BTG2: variants seen among roughly 807,000 people sequenced by gnomAD.
The protein encoded by BTG2 is protein BTG2.
A neutral mutation model predicts 13.1 loss-of-function variants in BTG2; 9 were observed. That is an observed-to-expected ratio of 0.69 (90% CI 0.41 to 1.20). The LOEUF is 1.20. Among genes scored for constraint, BTG2 ranks in the 50% most tolerant of loss-of-function variants. The probability of loss-of-function intolerance (pLI) is 0.00; values close to 1 mark genes in which losing one functional copy is unlikely to be tolerated. For missense variants in BTG2, 200 were observed against 209.5 expected, an observed-to-expected ratio of 0.95 and a Z score of 0.28; for synonymous variants, 92 against 88.6, an observed-to-expected ratio of 1.04 and a Z score of -0.21.
intron 1 of BTG2, among the ~76,000 whole-genome samples, chr1:203,306,820 A>T (rs111302810): frequency 0.02 from 2,211 of 108,720 alleles, 37 homozygotes; most frequent in African/African-American, 0.066. Context: ...ACACACACAC[A>T]CTCTCTCTCT....
chr1:203,306,250 A>G lies in BTG2; in HGVS notation c.142+502A>G, dbSNP rs150707689. On this transcript the variant is annotated intron_variant, in intron 1 of 1. Transcript: ENST00000290551. ...GTCCACTGGTTGCTGACTGGCTTCA[A>G]GTTGGAATTTGGGCCCCCTTTGTGT... Among the ~76,000 whole-genome samples the G allele has an allele frequency of 4.3e-3, 650 of 152,236 alleles. 9 individuals are homozygous for G. The highest frequency in any genetic ancestry group is 0.015 in the African/African-American group (620 of 41,540).
rs1658319752 is a variant in BTG2, at chr1:203,308,320, TTGA to T, written c.*885_*887del. 6.6e-6 allele frequency: 1 copy of T among 152,658 alleles called. No individual in the cohort carries two copies. Among genetic ancestry groups the T allele is most frequent in the African/African-American group, 2.4e-5 (1 of 41,448 alleles). 9.5% of individuals were successfully genotyped at this position (152,658 alleles called of 1,614,324 possible). Reference sequence around the variant, plus strand: ...TTCCTTTTGGAACCACATGAAAGTCTTGATGCTGCTGCCATGATCCCTTTGAGA... The same window carrying T: ...TTCCTTTTGGAACCACATGAAAGTCTTGCTGCTGCCATGATCCCTTTGAGA... On this transcript the variant is annotated 3_prime_UTR_variant, in exon 2 of 2. Transcript: ENST00000290551.
intron 1 of BTG2, among the ~76,000 whole-genome samples, chr1:203,306,481 C>T (rs1446647216): frequency 1.3e-5 from 2 of 152,148 alleles, no homozygotes; most frequent in Non-Finnish European, 2.9e-5. Context: ...AACGCACCCA[C>T]ACAGACCCTG....
At chr1:203,305,902 G>C (rs904601858) in intron 1 of BTG2, among the ~76,000 whole-genome samples, 154 bp downstream of exon 1, 1 of 152,288 alleles carries the variant, frequency 6.6e-6, no homozygotes, top group Non-Finnish European at 1.5e-5. Context: ...GCAGTCCCCA[G>C]TTTCCTGGGT....
At position 203,307,468 on chromosome 1, in the gene BTG2, G is replaced by C. The variant is rs1461802405; in HGVS notation, c.*30G>C. The C allele has an allele frequency of 2.0e-6, 3 of 1,537,888 alleles. No individual in the cohort carries two copies. Among genetic ancestry groups the C allele is most frequent in the African/African-American group, 2.7e-5 (2 of 73,068 alleles). On this transcript the variant is annotated 3_prime_UTR_variant, in exon 2 of 2. Transcript: ENST00000290551. ...TTCCGCCCCCGCCCTGGGCGCCGCC[G>C]TGCTCATGCTGCCGTGACAACAGGC...
In BTG2 at chr1:203,307,167, G is replaced by T; in HGVS notation, c.206G>T (p.Arg69Leu). 3.7e-6 allele frequency: 6 copies of T among 1,614,200 alleles called. No individual in the cohort carries two copies. Among genetic ancestry groups the T allele is most frequent in the Non-Finnish European group, 5.1e-6 (6 of 1,180,042 alleles). ...PSKGSGYRCI[R>L]INHKMDPIIS... ...AAGGGCTCCGGCTACCGCTGCATTCGCATCAACCACAAGATGGACCCCATC... is the reference window on the plus strand; with the variant it reads ...AAGGGCTCCGGCTACCGCTGCATTCTCATCAACCACAAGATGGACCCCATC... Residue 69 changes from arginine to leucine, a missense_variant, in exon 2 of 2, where the codon CGC becomes CTC. Arg to Leu is a moderately radical substitution (Grantham distance 102, BLOSUM62 -2). Transcript: ENST00000290551.
rs767547740 is a variant in BTG2 at position 203,307,481 on chromosome 1, C to T, written c.*43C>T. The T allele has an allele frequency of 3.3e-5, 49 of 1,507,624 alleles. No individual in the cohort carries two copies. Among genetic ancestry groups the T allele is most frequent in the Non-Finnish European group, 4.1e-5 (46 of 1,117,988 alleles). 93.4% of individuals were successfully genotyped at this position (1,507,624 alleles called of 1,614,324 possible). ...CTGGGCGCCGCCGTGCTCATGCTGC[C>T]GTGACAACAGGCCACCACATACCTC... On this transcript the variant is annotated 3_prime_UTR_variant, in exon 2 of 2. Coordinates refer to ENST00000290551, the MANE Select transcript of BTG2 (RefSeq NM_006763.3).
rs780154019 is a variant in BTG2, at chr1:203,307,330, C to T, written c.369C>T (p.Tyr123=). The T allele has an allele frequency of 1.6e-5, 26 of 1,613,890 alleles. No individual in the cohort carries two copies. Among genetic ancestry groups the T allele is most frequent in the South Asian group, 6.6e-5 (6 of 91,086 alleles). Residue 123 remains tyrosine, a synonymous_variant, in exon 2 of 2, where the codon TAC becomes TAT. Coordinates refer to ENST00000290551, the MANE Select transcript of BTG2 (RefSeq NM_006763.3). ...AGGACGGCTCCATCTGCGTCTTGTA[C>T]GAGGAGGCCCCACTGGCCGCCTCCT... ...IGEDGSICVL[Y]EEAPLAASCG... is the part of the protein sequence containing the mutation.
At chr1:203,305,828 G>C (rs528334481) in intron 1 of BTG2, 80 bp downstream of exon 1, 2 of 1,488,896 alleles carry the variant, frequency 1.3e-6, no homozygotes, top group African/African-American at 1.4e-5. Context: ...TACTCCTGCG[G>C]CAGGGTGACC....
At position 203,307,439 on chromosome 1, in the gene BTG2, G is replaced by T; in HGVS notation, c.*1G>T. ...CTACGTGATGGCAGTCTCCAGCTAG[G>T]CCCTTCCGCCCCCGCCCTGGGCGCC... On this transcript the variant is annotated 3_prime_UTR_variant, in exon 2 of 2. Coordinates refer to ENST00000290551, the MANE Select transcript of BTG2 (RefSeq NM_006763.3). 1 of 1,571,422 alleles carries T rather than the reference G, an allele frequency of 6.4e-7. No individual in the cohort carries two copies.
At chr1:203,306,628 C>T (rs569021546) in intron 1 of BTG2, among the ~76,000 whole-genome samples, 3 of 152,138 alleles carry the variant, frequency 2.0e-5, no homozygotes, top group Non-Finnish European at 2.9e-5. Flanking sequence ...TGCTGTGGAC[C>T]CAACAATGTT....
At position 203,308,669 on chromosome 1, in the gene BTG2, C is replaced by A. The variant is rs973096507; in HGVS notation, c.*1231C>A. On this transcript the variant is annotated 3_prime_UTR_variant, in exon 2 of 2. Coordinates refer to ENST00000290551, the MANE Select transcript of BTG2 (RefSeq NM_006763.3). Reference sequence around the variant, plus strand: ...GAATGGGAGAGTGCCCCATGTTCTGCAAGACTACTTGGTATTCTTGTAGGG... The same window carrying A: ...GAATGGGAGAGTGCCCCATGTTCTGAAAGACTACTTGGTATTCTTGTAGGG... The A allele has an allele frequency of 6.6e-6, 1 of 152,598 alleles. No homozygotes were observed. Among genetic ancestry groups the A allele is most frequent in the Non-Finnish European group, 1.5e-5 (1 of 68,034 alleles). 9.5% of individuals were successfully genotyped at this position (152,598 alleles called of 1,614,324 possible).
chr1:203,307,217 G>A lies in BTG2; in HGVS notation c.256G>A (p.Gly86Arg), dbSNP rs770026388. 1.9e-6 allele frequency: 3 copies of A among 1,614,222 alleles called. No individual in the cohort carries two copies. Among genetic ancestry groups the A allele is most frequent in the Non-Finnish European group, 1.7e-6 (2 of 1,180,044 alleles). ...PIISRVASQI[G>R]LSQPQLHQLL... is the part of the protein sequence containing the mutation. ...CATCAGCAGGGTGGCCAGCCAGATC[G>A]GACTCAGCCAGCCCCAGCTGCACCA... The change falls in exon 2 of 2, where the codon GGA becomes AGA. Residue 86 changes from glycine to arginine, a missense_variant. Transcript: ENST00000290551.
intron 1 of BTG2, 100 bp from the exon 2 acceptor site, chr1:203,307,004 T>C (rs1396495820): frequency 9.7e-7 from 1 of 1,036,022 alleles, no homozygotes; most frequent in Non-Finnish European, 1.4e-6. Context: ...AAGGGCCCCT[T>C]TCTCTCCTCC....
chr1:203,305,685 C>A lies in BTG2; in HGVS notation c.79C>A (p.Arg27=). Residue 27 remains arginine, a synonymous_variant, in exon 1 of 2, where the codon CGG becomes AGG. Transcript: ENST00000290551. ...CTTCCTCTCCAGCCTCCTGAGGACCCGGGGCTGCGTGAGCGAGCAGAGGCT... is the reference window on the plus strand; with the variant it reads ...CTTCCTCTCCAGCCTCCTGAGGACCAGGGGCTGCGTGAGCGAGCAGAGGCT... ...VGFLSSLLRT[R]GCVSEQRLKV... The A allele has an allele frequency of 6.4e-7, 1 of 1,563,268 alleles. No homozygotes were observed. Among genetic ancestry groups the A allele is most frequent in the Non-Finnish European group, 8.7e-7 (1 of 1,153,838 alleles).
At chr1:203,306,948 T>C (rs145577499) in intron 1 of BTG2, among the ~76,000 whole-genome samples, 156 bp from the exon 2 acceptor site, 206 of 152,178 alleles carry the variant, frequency 1.4e-3, no homozygotes, top group African/African-American at 4.6e-3. Flanking sequence ...CTCTGCTAAG[T>C]GGAAAGAGGG....
rs2102285739 is a variant in BTG2 at position 203,307,320 on chromosome 1, G to T, written c.359G>T (p.Cys120Phe). ...CGCATTGGGGAGGACGGCTCCATCT[G>T]CGTCTTGTACGAGGAGGCCCCACTG... Reference protein sequence around the residue: ...SYRIGEDGSICVLYEEAPLAA... With the variant: ...SYRIGEDGSIFVLYEEAPLAA... Residue 120 changes from cysteine (C) to phenylalanine (F), a missense_variant, in exon 2 of 2, where the codon TGC (cysteine) becomes TTC (phenylalanine). Cys to Phe is a radical substitution (Grantham distance 205). Coordinates refer to ENST00000290551, the MANE Select transcript of BTG2 (RefSeq NM_006763.3). The T allele has an allele frequency of 1.9e-6, 3 of 1,614,132 alleles. No individual in the cohort carries two copies. Among genetic ancestry groups the T allele is most frequent in the Non-Finnish European group, 2.5e-6 (3 of 1,179,992 alleles).
Position 203,305,762 on chromosome 1 carries a change from G to C in BTG2, c.142+14G>C. 6.5e-7 allele frequency: 1 copy of C among 1,541,324 alleles called. No individual in the cohort carries two copies. The highest frequency in any genetic ancestry group is 2.5e-5 in the East Asian group (1 of 40,102). Reference sequence around the variant, plus strand: ...AGGCACTCACAGGTGAGCGCATGCCGAGGGGCCTGGCGCCACCGGGGGTCG... The same window carrying C: ...AGGCACTCACAGGTGAGCGCATGCCCAGGGGCCTGGCGCCACCGGGGGTCG... On this transcript the variant is annotated intron_variant, in intron 1 of 1. Coordinates refer to ENST00000290551, the MANE Select transcript of BTG2 (RefSeq NM_006763.3).
Position 203,309,220 on chromosome 1 carries a change from G to A in BTG2, c.*1782G>A, listed in dbSNP as rs1658337652. ...TCTTTATTGCTTTAAAGTTCACTTTGGGCCCACAGACCCAAGAGCTAATTT... is the reference window on the plus strand; with the variant it reads ...TCTTTATTGCTTTAAAGTTCACTTTAGGCCCACAGACCCAAGAGCTAATTT... On this transcript the variant is annotated 3_prime_UTR_variant, in exon 2 of 2. Transcript: ENST00000290551. 6.6e-6 allele frequency: 1 copy of A among 152,556 alleles called. No homozygotes were observed. Among genetic ancestry groups the A allele is most frequent in the South Asian group, 2.1e-4 (1 of 4,832 alleles). The allele number at this position is 152,556 out of a possible 1,614,324, so 9.5% of individuals were successfully genotyped here. A position where few individuals can be genotyped will look rare whatever the true frequency, so the allele number is the denominator to read the frequency against.
Sources: gnomAD v4.1 joint callset for allele counts (sites outside exome capture counted in the v4.1 genomes callset) on GRCh38, gnomAD v4.1.1 for gene constraint, MANE v1.5 for transcripts, NCBI Gene and HGNC (gene_info 2026-07-23, HGNC 2026-07-21) for gene names.